The following STK33 variants were observed in gnomAD, a reference collection of about 807,000 sequenced individuals.
The protein encoded by STK33 is serine/threonine kinase 33.
STK33 carries 52 observed loss-of-function variants against 58.0 expected under a neutral mutation model. The ratio of observed to expected loss-of-function variants is 0.90; its 90% CI spans 0.72 to 1.13. STK33 has a LOEUF of 1.13. STK33 is among the 50% of genes most tolerant of loss of function. STK33 has a pLI of 0.00. For missense variants in STK33, 630 were observed against 604.2 expected (o/e 1.04, Z -0.45); for synonymous variants, 215 against 200.1 (o/e 1.07, Z -0.63).
intron 11 of STK33, among the ~76,000 whole-genome samples, chr11:8,441,036 G>T (rs542578256): frequency 2.0e-5 from 3 of 152,282 alleles, no homozygotes; most frequent in Non-Finnish European, 2.9e-5. Flanking sequence ...ATTTTGCAAA[G>T]ATTCTGTAGT....
At chr11:8,375,403 C>T in the STK33 span, among the ~76,000 whole-genome samples, 2 of 152,138 alleles carry the variant, frequency 1.3e-5, no homozygotes, top group African/African-American at 4.8e-5. Flanking sequence ...CATTGCTTGA[C>T]AGAAAGAAAC....
At chr11:8,420,404 A>T (rs932701291) in intron 14 of STK33, among the ~76,000 whole-genome samples, 2 of 152,178 alleles carry the variant, frequency 1.3e-5, no homozygotes, top group Non-Finnish European at 2.9e-5. Context: ...ATTCTTCAGG[A>T]GAAAACGGTT....
At chr11:8,471,584 G>C (rs1419446891) in intron 6 of STK33, among the ~76,000 whole-genome samples, 2 of 152,046 alleles carry the variant, frequency 1.3e-5, no homozygotes, top group African/African-American at 4.8e-5. Flanking sequence ...AATTGTGGAT[G>C]CTTGTAATTT....
intron 15 of STK33, among the ~76,000 whole-genome samples, chr11:8,409,334 G>A (rs551866808): frequency 6.6e-6 from 1 of 152,240 alleles, no homozygotes. Flanking sequence ...CTCTTCTCAC[G>A]GCAGGTGACA....
intron 1 of STK33, among the ~76,000 whole-genome samples, chr11:8,506,189 C>A (rs1053113650): frequency 1.3e-5 from 2 of 152,132 alleles, no homozygotes; most frequent in African/African-American, 4.8e-5. Context: ...ATAATCTAAT[C>A]TTTTTTCCAT....
chr11:8,392,971 T>C (rs1848777674), intron 15 of STK33, among the ~76,000 whole-genome samples: 1 of 152,266 alleles, frequency 6.6e-6, no homozygotes, highest in South Asian at 2.1e-4. Context: ...AAAATGTAAG[T>C]AAATGTCTGG....
chr11:8,557,967 A>G (rs1397840067), intron 1 of STK33, among the ~76,000 whole-genome samples: 3 of 152,176 alleles, frequency 2.0e-5, no homozygotes, highest in Non-Finnish European at 2.9e-5. Context: ...GGAGTTCAAC[A>G]TGAGGCATTT....
chr11:8,482,157 C>T (rs1270566671), intron 1 of STK33, among the ~76,000 whole-genome samples: 1 of 152,272 alleles, frequency 6.6e-6, no homozygotes, highest in South Asian at 2.1e-4. Context: ...GCACACAAAT[C>T]CCAGACTCGT....
intron 12 of STK33, among the ~76,000 whole-genome samples, chr11:8,438,477 A>G (rs556041945): frequency 6.0e-4 from 92 of 152,330 alleles, no homozygotes; most frequent in Middle Eastern, 6.8e-3. Flanking sequence ...GGAGAAGGTA[A>G]TATGTTTGTG....
At chr11:8,418,846 G>T (rs1013359085) in intron 14 of STK33, among the ~76,000 whole-genome samples, 3 of 152,106 alleles carry the variant, frequency 2.0e-5, no homozygotes, top group African/African-American at 7.2e-5. Context: ...AATAATCAGT[G>T]ATCTTGAGCT....
chr11:8,575,174 T>C (rs965383854), intron 1 of STK33, among the ~76,000 whole-genome samples: 3 of 152,342 alleles, frequency 2.0e-5, no homozygotes, highest in Non-Finnish European at 2.9e-5. Context: ...GTGTAGCTGC[T>C]GTGAAAAACA....
At chr11:8,521,096 A>G (rs1427523205) in intron 1 of STK33, among the ~76,000 whole-genome samples, 2 of 151,794 alleles carry the variant, frequency 1.3e-5, no homozygotes, top group Non-Finnish European at 2.9e-5. Flanking sequence ...TCAAGCTACC[A>G]ATGACTTTCT....
chr11:8,410,470 C>CTT (rs11382344), intron 15 of STK33, among the ~76,000 whole-genome samples: 6,200 of 121,790 alleles, frequency 0.051, 262 homozygotes, highest in African/African-American at 0.083. Context: ...CTTTTCTTTT[C>CTT]TTTTTTTTTT....
the STK33 span, among the ~76,000 whole-genome samples, chr11:8,346,446 G>C: frequency 1.3e-5 from 2 of 152,206 alleles, no homozygotes; most frequent in Non-Finnish European, 2.9e-5. Flanking sequence ...GAGGACTTGG[G>C]GGCTGAATGT....
downstream of STK33, among the ~76,000 whole-genome samples, chr11:8,391,691 C>A (rs1018249206): frequency 5.9e-5 from 9 of 152,142 alleles, no homozygotes. Context: ...ATTAGTTACC[C>A]AGGTGGAAAG....
At chr11:8,450,159 A>T (rs1377204402) in intron 11 of STK33, among the ~76,000 whole-genome samples, 2 of 152,210 alleles carry the variant, frequency 1.3e-5, no homozygotes. Flanking sequence ...ACCAAGCCAA[A>T]TGCCCATCAA....
At chr11:8,528,818 G>A (rs923344423) in intron 1 of STK33, among the ~76,000 whole-genome samples, 2 of 152,150 alleles carry the variant, frequency 1.3e-5, no homozygotes, top group African/African-American at 4.8e-5. Flanking sequence ...CAAAAAAGGC[G>A]CATGGAAGAC....
At chr11:8,408,883 T>C (rs1365771949) in intron 15 of STK33, among the ~76,000 whole-genome samples, 1 of 152,208 alleles carries the variant, frequency 6.6e-6, no homozygotes, top group Non-Finnish European at 1.5e-5. Flanking sequence ...CTGCAATTAG[T>C]TGTGACAGCA....
chr11:8,514,127 T>C (rs1398222558), intron 1 of STK33, among the ~76,000 whole-genome samples: 3 of 152,250 alleles, frequency 2.0e-5, no homozygotes, highest in South Asian at 2.1e-4. Flanking sequence ...GTTCTAACTA[T>C]GTTGTTGCAA....
Sources: gnomAD v4.1 joint callset for allele counts (sites outside exome capture counted in the v4.1 genomes callset) on GRCh38, gnomAD v4.1.1 for gene constraint, MANE v1.5 for transcripts, NCBI Gene and HGNC (gene_info 2026-07-23, HGNC 2026-07-21) for gene names.